Variants in FHIT observed in about 807,000 individuals in gnomAD.
FHIT encodes the protein bis(5'-adenosyl)-triphosphatase.
In FHIT, 19 loss-of-function variants were observed where a neutral mutation model predicts 17.9. The ratio of observed to expected loss-of-function variants is 1.06; its 90% confidence interval spans 0.74 to 1.56. The LOEUF is 1.56. FHIT is among the 40% of genes most tolerant of loss of function. FHIT has a pLI of 0.00. For missense variants in FHIT, 248 were observed against 189.2 expected (o/e 1.31, Z -1.82); for synonymous variants, 81 against 69.7 (o/e 1.16, Z -0.81).
intron 5 of FHIT, among the ~76,000 whole-genome samples, chr3:60,498,006 G>A (rs544886666): frequency 6.6e-6 from 1 of 152,268 alleles, no homozygotes; most frequent in South Asian, 2.1e-4. Context: ...TATGGTCTCT[G>A]TCACAGCTAC....
chr3:60,986,936 T>C (rs1027535989), intron 3 of FHIT, among the ~76,000 whole-genome samples: 6 of 152,244 alleles, frequency 3.9e-5, no homozygotes, highest in African/African-American at 1.4e-4. Flanking sequence ...CTACATTGCT[T>C]GGTTCATTCA....
chr3:60,174,488 G>A (rs987115508), intron 5 of FHIT, among the ~76,000 whole-genome samples: 2 of 151,900 alleles, frequency 1.3e-5, no homozygotes, highest in East Asian at 1.9e-4. Flanking sequence ...TAACACTGTT[G>A]GCCTTTCTAA....
intron 5 of FHIT, among the ~76,000 whole-genome samples, chr3:60,412,089 A>C (rs1031997012): frequency 3.9e-5 from 6 of 152,134 alleles, no homozygotes; most frequent in African/African-American, 1.4e-4. Context: ...AGTTTTAAAA[A>C]GTAAACAGGA....
intron 8 of FHIT, among the ~76,000 whole-genome samples, chr3:59,892,930 T>C (rs1703917067): frequency 6.6e-6 from 1 of 152,308 alleles, no homozygotes; most frequent in Non-Finnish European, 1.5e-5. Context: ...ACAAAAAAGA[T>C]AGGAAATATT....
At chr3:60,993,309 C>T (rs1477018389) in intron 3 of FHIT, among the ~76,000 whole-genome samples, 1 of 152,232 alleles carries the variant, frequency 6.6e-6, no homozygotes, top group Non-Finnish European at 1.5e-5. Context: ...ATCACAGTTA[C>T]TAGCGCATCG....
At chr3:59,890,545 C>T (rs1480466159) in intron 8 of FHIT, among the ~76,000 whole-genome samples, 1 of 152,094 alleles carries the variant, frequency 6.6e-6, no homozygotes, top group Non-Finnish European at 1.5e-5. Flanking sequence ...ATTCCCAATG[C>T]TTATGTTAAT....
At chr3:60,614,572 C>T (rs2038883391) in intron 4 of FHIT, among the ~76,000 whole-genome samples, 1 of 152,024 alleles carries the variant, frequency 6.6e-6, no homozygotes, top group Admixed American at 6.6e-5. Context: ...CACGTCATTG[C>T]ACTCCAGCCT....
chr3:60,537,893 C>T (rs1052102390), intron 4 of FHIT, among the ~76,000 whole-genome samples: 1 of 152,152 alleles, frequency 6.6e-6, no homozygotes, highest in Non-Finnish European at 1.5e-5. Context: ...AACTGAGGAA[C>T]ATGGATCAAT....
intron 2 of FHIT, among the ~76,000 whole-genome samples, chr3:61,055,378 A>G (rs1248766366): frequency 6.6e-6 from 1 of 152,212 alleles, no homozygotes; most frequent in Admixed American, 6.6e-5. Flanking sequence ...CGTCCATAAT[A>G]GAGATGAGAA....
At chr3:60,624,145 T>C (rs1266764336) in intron 4 of FHIT, among the ~76,000 whole-genome samples, 2 of 151,998 alleles carry the variant, frequency 1.3e-5, no homozygotes, top group African/African-American at 2.4e-5. Flanking sequence ...AGAGAAGAAA[T>C]GGTAGAGCCA....
At chr3:60,257,065 C>T (rs1009662990) in intron 5 of FHIT, among the ~76,000 whole-genome samples, 1 of 152,180 alleles carries the variant, frequency 6.6e-6, no homozygotes, top group Non-Finnish European at 1.5e-5. Context: ...AAGAAAACAG[C>T]TTTGCCTCCA....
At chr3:60,224,168 G>A (rs1352793569) in intron 5 of FHIT, among the ~76,000 whole-genome samples, 1 of 152,110 alleles carries the variant, frequency 6.6e-6, no homozygotes, top group Non-Finnish European at 1.5e-5. Flanking sequence ...TCCCTGTGGA[G>A]GAGTACCGAT....
intron 3 of FHIT, among the ~76,000 whole-genome samples, chr3:60,981,295 C>CTTTTTTTTT (rs71100934): frequency 3.2e-5 from 4 of 124,500 alleles, no homozygotes; most frequent in Non-Finnish European, 4.9e-5. Context: ...TTCTTCCTTC[C>CTTTTTTTTT]TTTTTTTTTT....
chr3:61,186,054 C>T (rs1180587965), intron 2 of FHIT, among the ~76,000 whole-genome samples: 1 of 152,192 alleles, frequency 6.6e-6, no homozygotes, highest in Non-Finnish European at 1.5e-5. Context: ...GAAAGAACTA[C>T]ATCATATTTC....
chr3:59,946,411 G>C (rs1161822909), intron 7 of FHIT, among the ~76,000 whole-genome samples: 1 of 152,176 alleles, frequency 6.6e-6, no homozygotes, highest in African/African-American at 2.4e-5. Context: ...TCAAATTAAA[G>C]AGCTTTTGGA....
At chr3:59,958,028 C>A (rs1057359458) in intron 7 of FHIT, among the ~76,000 whole-genome samples, 2 of 152,152 alleles carry the variant, frequency 1.3e-5, no homozygotes, top group African/African-American at 4.8e-5. Flanking sequence ...GTGTATTTTT[C>A]CACTGAAGGT....
At chr3:61,199,948 A>G (rs2038964702) in intron 2 of FHIT, among the ~76,000 whole-genome samples, 1 of 152,232 alleles carries the variant, frequency 6.6e-6, no homozygotes, top group Admixed American at 6.5e-5. Flanking sequence ...AAAGCTGTAC[A>G]GAGGTATGCT....
intron 1 of FHIT, among the ~76,000 whole-genome samples, chr3:61,237,926 A>G (rs550755090): frequency 1.8e-4 from 27 of 152,298 alleles, no homozygotes; most frequent in African/African-American, 6.0e-4. Context: ...CCAGTATTTG[A>G]AAAATCTTAT....
At chr3:59,897,881 C>T (rs893966278) in intron 8 of FHIT, among the ~76,000 whole-genome samples, 2 of 152,066 alleles carry the variant, frequency 1.3e-5, no homozygotes, top group African/African-American at 4.8e-5. Flanking sequence ...ATTCTCCTGC[C>T]TCAGCCTCCC....
Sources: allele counts gnomAD v4.1 joint callset (sites outside exome capture counted in the v4.1 genomes callset), GRCh38; gene constraint gnomAD v4.1.1; transcripts MANE v1.5; gene names NCBI Gene and HGNC (gene_info 2026-07-23, HGNC 2026-07-21).